The following DMD variants were observed in gnomAD, a reference collection of about 807,000 sequenced individuals.
DMD encodes mutant dystrophin.
Under a neutral mutation model 330.1 loss-of-function variants are expected in DMD, and 63 were observed. The ratio of observed to expected loss-of-function variants is 0.19; its 90% confidence interval spans 0.16 to 0.24. DMD has a LOEUF of 0.24. DMD is among the 10% of genes least tolerant of loss of function. DMD has a pLI of 1.00. For synonymous variants in DMD, 1,223 were observed against 959.8 expected (o/e 1.27, Z -5.07); for missense variants, 3,344 against 2,684.1 (o/e 1.25, Z -5.43).
At chrX:32,515,932 GA>G (rs1358297612) in intron 18 of DMD, among the ~76,000 whole-genome samples, 1 of 111,238 alleles carries the variant, frequency 9.0e-6, no homozygotes, top group Non-Finnish European at 1.9e-5. Flanking sequence ...AATATACAAG[GA>G]AAAAATTATG....
chrX:32,802,025 G>T (rs936923724), intron 7 of DMD, among the ~76,000 whole-genome samples: 3 of 111,863 alleles, frequency 2.7e-5, no homozygotes, highest in Admixed American at 9.5e-5. Context: ...ATTTAAAGTA[G>T]TTTTTTTCTA....
rs1344572990 is a variant in DMD at position 33,278,159 on chromosome X, A to T, written c.7+61100T>A. On this transcript the variant is annotated intron_variant, in intron 1 of 17. Transcript: ENST00000288447. The stretch of plus-strand genomic sequence containing the variant: ...AACATGCAATATACATTCATTTTAG[A>T]TTGTTGCTTTTCCTTTTTTACATTT... Among the ~76,000 whole-genome samples, 8 of 111,723 alleles carry T rather than the reference A, an allele frequency of 7.2e-5. No homozygotes were observed. The Admixed American group carries it at 7.6e-4, about 11-fold the overall frequency.
intron 34 of DMD, among the ~76,000 whole-genome samples, chrX:32,372,097 A>T (rs2097880961): frequency 9.0e-6 from 1 of 111,594 alleles, no homozygotes; most frequent in Non-Finnish European, 1.9e-5. Context: ...GTATTTGTTC[A>T]TCTATAAAAC....
chrX:31,453,779 A>AAAAAAAAAAAAC (rs2065946536), intron 59 of DMD, among the ~76,000 whole-genome samples: 1 of 104,195 alleles, frequency 9.6e-6, no homozygotes, highest in Non-Finnish European at 2.0e-5. Context: ...AAAAAAAAAA[A>AAAAAAAAAAAAC]AAAAAAAAAA....
Position 32,481,366 on chromosome X carries a change from T to A in DMD, c.2803+3553A>T, listed in dbSNP as rs140566313. ...AAGTCTTCCTGCTTCTCCTCAGACT[T>A]GTATTGCATTTCTTCTTCACATACC... On this transcript the variant is annotated intron_variant, in intron 21 of 78. Transcript: ENST00000357033. 4.7e-3 allele frequency among the ~76,000 whole-genome samples: 523 copies of A among 111,669 alleles called. 24 individuals are homozygous for A. In the East Asian group the frequency reaches 0.11, roughly 22 times the overall value.
intron 29 of DMD, among the ~76,000 whole-genome samples, chrX:32,419,578 T>C (rs1177637099): frequency 8.9e-6 from 1 of 112,377 alleles, no homozygotes; most frequent in Non-Finnish European, 1.9e-5. Context: ...TAAAGAAGGT[T>C]ACATTATTCA....
chrX:32,853,776 A>AC (rs2149039890), intron 2 of DMD, among the ~76,000 whole-genome samples: 1 of 107,313 alleles, frequency 9.3e-6, no homozygotes, highest in South Asian at 4.1e-4. Flanking sequence ...ACAGAAAAAA[A>AC]AAAAAAAAAA....
intron 45 of DMD, among the ~76,000 whole-genome samples, chrX:31,963,949 G>GA (rs111622882): frequency 0.02 from 2,242 of 110,129 alleles, 62 homozygotes; most frequent in African/African-American, 0.07. Context: ...TAATTGCGAA[G>GA]AAAAAATGTG....
intron 43 of DMD, among the ~76,000 whole-genome samples, chrX:32,257,951 G>A (rs189737858): frequency 3.8e-4 from 38 of 101,167 alleles, no homozygotes; most frequent in Admixed American, 9.6e-4. Context: ...AATCTATAAG[G>A]AACTTAAACA....
chrX:32,089,279 G>A (rs747707081), intron 44 of DMD, among the ~76,000 whole-genome samples: 5 of 111,458 alleles, frequency 4.5e-5, no homozygotes, highest in Non-Finnish European at 5.7e-5. Context: ...AATAAGATAC[G>A]TTTATTTTAT....
chrX:32,883,836 A>AG, intron 2 of DMD, among the ~76,000 whole-genome samples: 1 of 89,593 alleles, frequency 1.1e-5, no homozygotes, highest in African/African-American at 4.0e-5. Flanking sequence ...AAAAAAAAAA[A>AG]AAAAAAAAAA....
chrX:31,133,212 G>A (rs1008904001), intron 77 of DMD, among the ~76,000 whole-genome samples: 1 of 112,063 alleles, frequency 8.9e-6, no homozygotes, highest in Non-Finnish European at 1.9e-5. Context: ...CATTAGAGGT[G>A]CCAATCACTG....
chrX:31,812,126 C>A (rs1456437000), intron 50 of DMD, among the ~76,000 whole-genome samples: 1 of 108,907 alleles, frequency 9.2e-6, no homozygotes, highest in Non-Finnish European at 1.9e-5. Flanking sequence ...CTTTAACTGC[C>A]TAGATATTTA....
intron 1 of DMD, among the ~76,000 whole-genome samples, chrX:33,115,615 C>T (rs144973121): frequency 0.012 from 1,269 of 108,452 alleles, 20 homozygotes; most frequent in African/African-American, 0.04. Flanking sequence ...GGGTTCACGC[C>T]ATTCTCCTGC....
At chrX:32,685,057 C>T (rs1254115902) in intron 9 of DMD, among the ~76,000 whole-genome samples, 1 of 111,143 alleles carries the variant, frequency 9.0e-6, no homozygotes, top group Non-Finnish European at 1.9e-5. Context: ...TTTTTAAGAG[C>T]TTATAAAAAC....
At chrX:33,217,460 G>GC (rs1389643650) in intron 1 of DMD, among the ~76,000 whole-genome samples, 3 of 111,282 alleles carry the variant, frequency 2.7e-5, no homozygotes, top group African/African-American at 3.3e-5. Flanking sequence ...TATTTCCTTA[G>GC]CTTTTTAGTT....
chrX:33,177,790 A>G (rs1224032429), intron 1 of DMD, among the ~76,000 whole-genome samples: 1 of 112,446 alleles, frequency 8.9e-6, no homozygotes, highest in Non-Finnish European at 1.9e-5. Flanking sequence ...CTGTTGTGCA[A>G]CAGATATCCA....
chrX:33,263,074 G>A (rs1490380849), intron 1 of DMD, among the ~76,000 whole-genome samples: 1 of 110,066 alleles, frequency 9.1e-6, no homozygotes, highest in Non-Finnish European at 1.9e-5. Flanking sequence ...ACTGTTGGAG[G>A]CATAAATTGG....
chrX:32,713,971 AG>A (rs2065432706), intron 7 of DMD, among the ~76,000 whole-genome samples: 1 of 112,114 alleles, frequency 8.9e-6, no homozygotes, highest in Admixed American at 9.5e-5. Context: ...TCTAACACAA[AG>A]CCTGTTCTAT....
Sources: gnomAD v4.1 joint callset for allele counts (sites outside exome capture counted in the v4.1 genomes callset) on GRCh38, gnomAD v4.1.1 for gene constraint, MANE v1.5 for transcripts, NCBI Gene and HGNC (gene_info 2026-07-23, HGNC 2026-07-21) for gene names.